The following PDE1C variants were observed in gnomAD, a reference collection of about 807,000 sequenced individuals.
PDE1C encodes dual specificity calcium/calmodulin-dependent 3',5'-cyclic nucleotide phosphodiesterase 1C.
PDE1C carries 62 observed loss-of-function variants against 93.1 expected under a neutral mutation model. That is an observed-to-expected ratio of 0.67 (90% CI 0.54 to 0.82). PDE1C has a LOEUF of 0.82. PDE1C is among the 40% of genes least tolerant of loss of function. The probability of loss-of-function intolerance (pLI) is 0.00; values close to 1 mark genes in which losing one functional copy is unlikely to be tolerated. For synonymous variants in PDE1C, 325 were observed against 310.1 expected (o/e 1.05, Z -0.50); for missense variants, 742 against 884.6 (o/e 0.84, Z 2.04).
chr7:31,928,676 C>T (rs1803732013), intron 2 of PDE1C, among the ~76,000 whole-genome samples: 1 of 152,042 alleles, frequency 6.6e-6, no homozygotes, highest in South Asian at 2.1e-4. Flanking sequence ...TTATATCCAG[C>T]CAAAAACTAA....
intron 16 of PDE1C, among the ~76,000 whole-genome samples, chr7:31,776,229 A>C (rs1156525570): frequency 6.6e-6 from 1 of 152,188 alleles, no homozygotes; most frequent in Non-Finnish European, 1.5e-5. Context: ...TTGGAACTCA[A>C]GCAATGAACT....
chr7:31,931,125 G>A (rs1185752250), intron 2 of PDE1C, among the ~76,000 whole-genome samples: 12 of 152,042 alleles, frequency 7.9e-5, no homozygotes, highest in East Asian at 1.9e-4. Flanking sequence ...AGCCATAGCC[G>A]ATATCATACT....
At chr7:31,633,043 T>C in the PDE1C span, among the ~76,000 whole-genome samples, 79 of 152,118 alleles carry the variant, frequency 5.2e-4, 1 homozygote, top group Middle Eastern at 3.4e-3. Flanking sequence ...GGCACCATCA[T>C]GCCCAGCTAA....
intron 2 of PDE1C, among the ~76,000 whole-genome samples, chr7:31,986,278 C>A (rs1250519332): frequency 6.6e-6 from 1 of 152,042 alleles, no homozygotes; most frequent in Admixed American, 6.6e-5. Context: ...ACTCCAATTT[C>A]TTCCTCCTAC....
At chr7:32,162,690 A>G (rs556523248) in intron 3 of PDE1C, among the ~76,000 whole-genome samples, 3 of 152,268 alleles carry the variant, frequency 2.0e-5, no homozygotes, top group East Asian at 3.9e-4. Flanking sequence ...GTCATCGCCA[A>G]TGGGTTCCAA....
chr7:31,689,799 G>C, the PDE1C span, among the ~76,000 whole-genome samples: 2 of 152,108 alleles, frequency 1.3e-5, no homozygotes, highest in African/African-American at 2.4e-5. Flanking sequence ...CATGATAAAA[G>C]TATCTTCTAA....
the PDE1C span, among the ~76,000 whole-genome samples, chr7:31,664,512 A>G: frequency 8.5e-5 from 13 of 152,234 alleles, no homozygotes; most frequent in Non-Finnish European, 1.5e-4. Context: ...TCCAGTTGCC[A>G]TAAGAATGGG....
At chr7:32,362,266 G>A (rs1281216006) in intron 1 of PDE1C, among the ~76,000 whole-genome samples, 2 of 151,932 alleles carry the variant, frequency 1.3e-5, no homozygotes, top group African/African-American at 2.4e-5. Flanking sequence ...TGTGGGTGTG[G>A]GTGTATATAA....
chr7:32,139,311 T>C (rs1429274185), intron 3 of PDE1C, among the ~76,000 whole-genome samples: 1 of 147,080 alleles, frequency 6.8e-6, no homozygotes, highest in African/African-American at 2.5e-5. Flanking sequence ...TTTTTTTTTT[T>C]TTTTTTTTTT....
At chr7:32,164,189 A>AT (rs765943573) in intron 3 of PDE1C, among the ~76,000 whole-genome samples, 2 of 152,196 alleles carry the variant, frequency 1.3e-5, no homozygotes, top group Non-Finnish European at 2.9e-5. Flanking sequence ...CAGGATCTGC[A>AT]TTTAACAGGA....
intron 1 of PDE1C, among the ~76,000 whole-genome samples, chr7:32,405,395 G>A (rs1785034222): frequency 6.6e-6 from 1 of 151,940 alleles, no homozygotes; most frequent in African/African-American, 2.4e-5. Flanking sequence ...GGGATTACAG[G>A]CATGCACCAC....
the PDE1C span, among the ~76,000 whole-genome samples, chr7:31,735,331 G>A: frequency 6.6e-6 from 1 of 151,586 alleles, no homozygotes; most frequent in African/African-American, 2.4e-5. Flanking sequence ...CCAGGAGGCG[G>A]AGGTTGCAGT....
At chr7:32,207,383 GAATCCTCCC>G (rs1328740205) in intron 2 of PDE1C, among the ~76,000 whole-genome samples, 1 of 150,506 alleles carries the variant, frequency 6.6e-6, no homozygotes, top group Non-Finnish European at 1.5e-5. Flanking sequence ...CTTATCATCC[GAATCCTCCC>G]AATCTTCCCA....
chr7:32,020,299 G>A (rs991824520), intron 2 of PDE1C, among the ~76,000 whole-genome samples: 1 of 152,034 alleles, frequency 6.6e-6, no homozygotes, highest in African/African-American at 2.4e-5. Flanking sequence ...GGGATATGAA[G>A]AAGTCAACAA....
At chr7:31,805,901 A>G (rs959519686) in intron 16 of PDE1C, among the ~76,000 whole-genome samples, 1 of 151,864 alleles carries the variant, frequency 6.6e-6, no homozygotes, top group African/African-American at 2.4e-5. Flanking sequence ...CCCAAAGATC[A>G]CTGTTCTCCA....
chr7:32,155,293 T>A (rs1393915983), intron 3 of PDE1C, among the ~76,000 whole-genome samples: 1 of 152,198 alleles, frequency 6.6e-6, no homozygotes, highest in Non-Finnish European at 1.5e-5. Flanking sequence ...TACCTCAGTT[T>A]CTCCATCTGT....
At chr7:31,873,530 CAG>C (rs1384006117) in intron 5 of PDE1C, 122 bp from the exon 6 acceptor site, 6 of 650,162 alleles carry the variant, frequency 9.2e-6, no homozygotes, top group Admixed American at 2.8e-5. Context: ...GACACTCAAA[CAG>C]ACTTTCCACT....
At chr7:31,974,058 T>C (rs1012209845) in intron 2 of PDE1C, among the ~76,000 whole-genome samples, 3 of 152,216 alleles carry the variant, frequency 2.0e-5, no homozygotes, top group South Asian at 4.1e-4. Context: ...AAGCTTATAC[T>C]AAAGTTGTAC....
chr7:31,639,839 A>G, the PDE1C span, among the ~76,000 whole-genome samples: 24,236 of 152,072 alleles, frequency 0.16, 2,365 homozygotes, highest in Non-Finnish European at 0.2. Flanking sequence ...CCCAGGATAT[A>G]GTTTTAATAA....
Sources: allele counts gnomAD v4.1 joint callset (sites outside exome capture counted in the v4.1 genomes callset), GRCh38; gene constraint gnomAD v4.1.1; transcripts MANE v1.5; gene names NCBI Gene and HGNC (gene_info 2026-07-23, HGNC 2026-07-21).